The following RANGAP1 variants were observed in gnomAD, a reference collection of about 807,000 sequenced individuals.
The protein encoded by RANGAP1 is Ran GTPase activating protein 1.
A neutral mutation model predicts 63.5 loss-of-function variants in RANGAP1; 38 were observed. The ratio of observed to expected loss-of-function variants is 0.60; its 90% confidence interval spans 0.46 to 0.78. The LOEUF (loss-of-function observed/expected upper bound fraction) is 0.78. Among genes scored for constraint, RANGAP1 ranks in the 30% least tolerant of loss-of-function variants. The probability of loss-of-function intolerance (pLI) is 0.00; values close to 1 mark genes in which losing one functional copy is unlikely to be tolerated. For missense variants in RANGAP1, 630 were observed against 740.3 expected, an observed-to-expected ratio of 0.85 and a Z score of 1.73; for synonymous variants, 329 against 310.5, an observed-to-expected ratio of 1.06 and a Z score of -0.63.
intron 6 of RANGAP1, among the ~76,000 whole-genome samples, chr22:41,260,894 G>A (rs1446195402): frequency 2.6e-5 from 4 of 152,198 alleles, no homozygotes; most frequent in Non-Finnish European, 5.9e-5. Context: ...TTTCAGTCCT[G>A]TTAGGGGCAA....
intron 15 of RANGAP1, among the ~76,000 whole-genome samples, chr22:41,248,952 T>C (rs2145671827): frequency 6.6e-6 from 1 of 152,282 alleles, no homozygotes; most frequent in African/African-American, 2.4e-5. Context: ...ACTCCGGAGA[T>C]GTCACCAACC....
At chr22:41,252,027 T>A (rs1269040067) in intron 12 of RANGAP1, among the ~76,000 whole-genome samples, 1 of 152,176 alleles carries the variant, frequency 6.6e-6, no homozygotes, top group East Asian at 1.9e-4. Context: ...GAGCCTCCGC[T>A]TTCTTATCTA....
At chr22:41,255,323 T>G (rs1317327058) in intron 10 of RANGAP1, among the ~76,000 whole-genome samples, 1 of 152,144 alleles carries the variant, frequency 6.6e-6, no homozygotes, top group African/African-American at 2.4e-5. Context: ...CGACTGAGTA[T>G]CTGACACACG....
intron 6 of RANGAP1, 99 bp downstream of exon 6, chr22:41,261,347 G>T: frequency 6.5e-7 from 1 of 1,542,744 alleles, no homozygotes; most frequent in Non-Finnish European, 8.8e-7. Flanking sequence ...CAGGTCTCTT[G>T]GTTGAGTGCC....
In RANGAP1 at chr22:41,245,363, G is replaced by A. The variant is rs1324831519; in HGVS notation, c.*1240C>T. ...AAGGGAGGTGGCTTCCATAGTGAAG[G>A]AGCAACGCAGAAGCCAAGCGAGCTG... On this transcript the variant is annotated 3_prime_UTR_variant, in exon 16 of 16. Coordinates refer to ENST00000356244, the MANE Select transcript of RANGAP1 (RefSeq NM_002883.4). 6.6e-6 allele frequency among the ~76,000 whole-genome samples: 1 copy of A among 152,214 alleles called. No individual in the cohort carries two copies. Among genetic ancestry groups the A allele is most frequent in the East Asian group, 1.9e-4 (1 of 5,194 alleles).
chr22:41,249,568 T>C (rs2033291482), intron 14 of RANGAP1, 117 bp from the exon 15 acceptor site: 1 of 1,549,734 alleles, frequency 6.5e-7, no homozygotes, highest in Non-Finnish European at 8.8e-7. Flanking sequence ...CGGAATCTCA[T>C]CGTGAAGACC....
At chr22:41,266,965 C>T (rs1372735078) in intron 4 of RANGAP1, among the ~76,000 whole-genome samples, 3 of 147,606 alleles carry the variant, frequency 2.0e-5, no homozygotes, top group Non-Finnish European at 1.5e-5. Context: ...ACTGCAACCT[C>T]CACCTCCTGG....
chr22:41,283,216 G>C (rs1258730364), intron 1 of RANGAP1, among the ~76,000 whole-genome samples: 1 of 123,054 alleles, frequency 8.1e-6, no homozygotes, highest in African/African-American at 2.8e-5. Context: ...AAAAAAAAAG[G>C]GGGGGGTTGG....
At chr22:41,254,700 C>T (rs1202068599) in intron 10 of RANGAP1, 3 of 953,168 alleles carry the variant, frequency 3.1e-6, no homozygotes, top group East Asian at 1.2e-4. Context: ...CGGCCCGGCG[C>T]GGTGGCTCAT....
intron 3 of RANGAP1, among the ~76,000 whole-genome samples, chr22:41,270,702 T>C (rs557132236): frequency 9.2e-5 from 14 of 152,152 alleles, no homozygotes; most frequent in Non-Finnish European, 1.8e-4. Flanking sequence ...GCTCCCACCG[T>C]ACATACTAAG....
chr22:41,272,018 C>T (rs2034866907), intron 3 of RANGAP1, among the ~76,000 whole-genome samples: 1 of 152,228 alleles, frequency 6.6e-6, no homozygotes, highest in Admixed American at 6.5e-5. Flanking sequence ...CAGGCTCTCC[C>T]AGGACAACCT....
chr22:41,265,941 G>A (rs1359688980), intron 4 of RANGAP1, among the ~76,000 whole-genome samples: 4 of 151,562 alleles, frequency 2.6e-5, no homozygotes, highest in African/African-American at 4.9e-5. Context: ...GGTGGCTCAC[G>A]CCTGTAATCC....
rs1372436560 is a variant in RANGAP1, at chr22:41,280,743, T to G, written c.112+190A>C. 1.4e-5 allele frequency: 21 copies of G among 1,519,762 alleles called. No homozygotes were observed. The Admixed American group carries it at 4.2e-4, about 30-fold the overall frequency. 94.1% of individuals were successfully genotyped at this position (1,519,762 alleles called of 1,614,324 possible). On this transcript the variant is annotated intron_variant, in intron 2 of 15. Transcript: ENST00000356244. ...GGATGCCCAATACAAACATGGAAAG[T>G]GCAGGGGAGCTTGCTCCTGGGCAAA...
At chr22:41,254,787 G>A (rs1050371238) in intron 10 of RANGAP1, 25 of 316,964 alleles carry the variant, frequency 7.9e-5, no homozygotes, top group Admixed American at 3.9e-4. Context: ...CCTGGCTAAC[G>A]TGGTGAAACC....
At chr22:41,262,355 A>G (rs2034220909) in intron 5 of RANGAP1, among the ~76,000 whole-genome samples, 1 of 152,152 alleles carries the variant, frequency 6.6e-6, no homozygotes, top group Non-Finnish European at 1.5e-5. Flanking sequence ...GAGAGAAGTG[A>G]TATTTGCAGA....
Position 41,264,623 on chromosome 22 carries a change from T to G in RANGAP1, c.480+41A>C, listed in dbSNP as rs372829007. 4 of 1,580,282 alleles carry G rather than the reference T, an allele frequency of 2.5e-6. No individual in the cohort carries two copies. In the Admixed American group the frequency reaches 5.1e-5, roughly 20 times the overall value. On this transcript the variant is annotated intron_variant, in intron 5 of 15. Coordinates refer to ENST00000356244, the MANE Select transcript of RANGAP1 (RefSeq NM_002883.4). ...GGCACATATGTCAGACGGATGTGGA[T>G]GGACCAGGGGACTCTGCGGGGAGGG... is the stretch of plus-strand genomic sequence containing the variant.
At chr22:41,272,661 C>T (rs1199893179) in intron 3 of RANGAP1, among the ~76,000 whole-genome samples, 1 of 152,084 alleles carries the variant, frequency 6.6e-6, no homozygotes, top group African/African-American at 2.4e-5. Flanking sequence ...GCTGGGACTA[C>T]AGGCACACGC....
chr22:41,254,656 G>A (rs759544074), intron 10 of RANGAP1, 162 bp from the exon 11 acceptor site: 32 of 984,984 alleles, frequency 3.2e-5, no homozygotes, highest in Non-Finnish European at 3.4e-5. Flanking sequence ...GGATCACCAG[G>A]GAAATCCATG....
At chr22:41,293,760 C>CAA in the RANGAP1 span, among the ~76,000 whole-genome samples, 60 of 54,646 alleles carry the variant, frequency 1.1e-3, no homozygotes, top group African/African-American at 2.9e-3. Flanking sequence ...GACTCTGTCT[C>CAA]AAAAAAAAAA....
Sources: allele counts gnomAD v4.1 joint callset (sites outside exome capture counted in the v4.1 genomes callset), GRCh38; gene constraint gnomAD v4.1.1; transcripts MANE v1.5; gene names NCBI Gene and HGNC (gene_info 2026-07-23, HGNC 2026-07-21).